KCNQ3: variants seen among roughly 807,000 people sequenced by gnomAD.
The protein encoded by KCNQ3 is potassium voltage-gated channel subfamily Q member 3.
A neutral mutation model predicts 92.5 loss-of-function variants in KCNQ3; 30 were observed. The ratio of observed to expected loss-of-function variants is 0.32; its 90% CI spans 0.24 to 0.44. KCNQ3 has a LOEUF of 0.44. Among genes scored for constraint, KCNQ3 ranks in the 20% least tolerant of loss-of-function variants. KCNQ3 has a pLI of 1.00. For synonymous variants in KCNQ3, 450 were observed against 468.8 expected, an observed-to-expected ratio of 0.96 and a Z score of 0.52; for missense variants, 913 against 1,140.3, an observed-to-expected ratio of 0.80 and a Z score of 2.87.
chr8:132,139,552 A>C (rs139976586), intron 11 of KCNQ3, among the ~76,000 whole-genome samples: 1 of 152,224 alleles, frequency 6.6e-6, no homozygotes, highest in African/African-American at 2.4e-5. Flanking sequence ...GTAATAGCAT[A>C]CTTTTTTTCA....
rs932969941 is a variant in KCNQ3 at position 132,190,472 on chromosome 8, T to C, written c.387-4291A>G. Among the ~76,000 whole-genome samples, 4 of 152,218 alleles carry C rather than the reference T, an allele frequency of 2.6e-5. No individual in the cohort carries two copies. In the East Asian group the frequency reaches 5.8e-4, roughly 22 times the overall value. ...CTAGAGATTCTCCTGCTGGTCTTGATGTGAGCTGCTGTTTTGAAAGGCCTG... is the reference window on the plus strand; with the variant it reads ...CTAGAGATTCTCCTGCTGGTCTTGACGTGAGCTGCTGTTTTGAAAGGCCTG... On this transcript the variant is annotated intron_variant, in intron 1 of 14. Transcript: ENST00000388996.
intron 12 of KCNQ3, among the ~76,000 whole-genome samples, chr8:132,136,890 G>A (rs969405573): frequency 7.9e-6 from 1 of 127,008 alleles, no homozygotes; most frequent in Admixed American, 9.1e-5. Context: ...TTGAGATGCA[G>A]TCTCACTCTG....
chr8:132,172,769 G>A, intron 6 of KCNQ3, 76 bp from the exon 7 acceptor site: 1 of 1,011,720 alleles, frequency 9.9e-7, no homozygotes, highest in Non-Finnish European at 1.6e-6. Context: ...CCAGGGTAAT[G>A]GGGACTGTAG....
At chr8:132,465,605 G>A (rs975769168) in intron 1 of KCNQ3, among the ~76,000 whole-genome samples, 3 of 152,098 alleles carry the variant, frequency 2.0e-5, no homozygotes, top group Non-Finnish European at 4.4e-5. Flanking sequence ...TTAGCCAGGT[G>A]TGGTGGCAGG....
intron 1 of KCNQ3, among the ~76,000 whole-genome samples, chr8:132,294,296 T>C (rs573695389): frequency 6.6e-6 from 1 of 152,282 alleles, no homozygotes; most frequent in African/African-American, 2.4e-5. Context: ...CCACCGTACC[T>C]GGCCCACTAA....
intron 8 of KCNQ3, 67 bp from the exon 9 acceptor site, chr8:132,163,561 A>T: frequency 7.8e-7 from 1 of 1,283,444 alleles, no homozygotes; most frequent in South Asian, 1.2e-5. Flanking sequence ...CTTCCTCGAA[A>T]GATTGCTGCA....
At chr8:132,143,363 C>T (rs59116109) in intron 9 of KCNQ3, among the ~76,000 whole-genome samples, 4,409 of 152,248 alleles carry the variant, frequency 0.029, 208 homozygotes, top group African/African-American at 0.1. Flanking sequence ...TGGCACTGCG[C>T]TGTATGGAGA....
chr8:132,268,903 TG>T (rs1816070246), intron 1 of KCNQ3, among the ~76,000 whole-genome samples: 1 of 152,220 alleles, frequency 6.6e-6, no homozygotes, highest in Non-Finnish European at 1.5e-5. Context: ...ATGTTGTCAG[TG>T]TTCTGGATTA....
At chr8:132,478,974 G>C (rs946751005) in intron 1 of KCNQ3, among the ~76,000 whole-genome samples, 1 of 151,756 alleles carries the variant, frequency 6.6e-6, no homozygotes, top group Non-Finnish European at 1.5e-5. Context: ...GTGGGGGAGA[G>C]AGGGGGGAGG....
chr8:132,456,296 G>A (rs917759835), intron 1 of KCNQ3, among the ~76,000 whole-genome samples: 12 of 152,118 alleles, frequency 7.9e-5, no homozygotes, highest in Admixed American at 2.0e-4. Flanking sequence ...GGAGGGGTCC[G>A]AGTCACCGCA....
At chr8:132,144,567 A>C (rs934922021) in intron 9 of KCNQ3, among the ~76,000 whole-genome samples, 1 of 152,194 alleles carries the variant, frequency 6.6e-6, no homozygotes, top group Non-Finnish European at 1.5e-5. Flanking sequence ...TCCAAATATG[A>C]GTTGTAAAAA....
chr8:132,282,936 C>T (rs1033055553), intron 1 of KCNQ3, among the ~76,000 whole-genome samples: 12 of 151,884 alleles, frequency 7.9e-5, no homozygotes, highest in African/African-American at 2.4e-4. Context: ...AGCCAGGATA[C>T]GAGAGAGTGA....
intron 1 of KCNQ3, among the ~76,000 whole-genome samples, chr8:132,397,943 C>G (rs1224482628): frequency 6.6e-6 from 1 of 152,142 alleles, no homozygotes; most frequent in East Asian, 1.9e-4. Context: ...AAAAGCATAT[C>G]TACTATAAAA....
At chr8:132,471,247 C>T (rs1050264791) in intron 1 of KCNQ3, among the ~76,000 whole-genome samples, 11 of 152,282 alleles carry the variant, frequency 7.2e-5, no homozygotes, top group Middle Eastern at 3.4e-3. Flanking sequence ...GAGTACACCA[C>T]GACATGAGGA....
In KCNQ3 at chr8:132,125,953, T is replaced by C. The variant is rs769627004; in HGVS notation, c.*3309A>G. On this transcript the variant is annotated 3_prime_UTR_variant, in exon 15 of 15. Coordinates refer to ENST00000388996, the MANE Select transcript of KCNQ3 (RefSeq NM_004519.4). ...TGTGCTGACATTTGATAGTCAAAAC[T>C]CAAACGATCTCAAGTACTTCTTTCT... The C allele has an allele frequency of 2.0e-5, 3 of 152,240 alleles. No homozygotes were observed. The highest frequency in any genetic ancestry group is 4.8e-5 in the African/African-American group (2 of 41,468). 9.4% of individuals were successfully genotyped at this position (152,240 alleles called of 1,614,324 possible).
chr8:132,212,965 G>A (rs1813907078), intron 1 of KCNQ3, among the ~76,000 whole-genome samples: 1 of 152,198 alleles, frequency 6.6e-6, no homozygotes, highest in Non-Finnish European at 1.5e-5. Flanking sequence ...CACACCAGGA[G>A]CCTACGTGTG....
intron 1 of KCNQ3, among the ~76,000 whole-genome samples, chr8:132,218,087 G>A (rs1477043853): frequency 1.3e-5 from 2 of 152,158 alleles, no homozygotes; most frequent in East Asian, 1.9e-4. Flanking sequence ...CATAAATGAA[G>A]GAGGCTTTGT....
intron 1 of KCNQ3, among the ~76,000 whole-genome samples, chr8:132,401,654 G>A (rs567049777): frequency 3.9e-5 from 6 of 152,322 alleles, no homozygotes; most frequent in Admixed American, 6.5e-5. Context: ...GATTACAGGC[G>A]TGAGCCACCA....
chr8:132,246,485 T>C (rs1268618809), intron 1 of KCNQ3, among the ~76,000 whole-genome samples: 2 of 152,194 alleles, frequency 1.3e-5, no homozygotes, highest in Admixed American at 6.5e-5. Context: ...GTTGGAAACA[T>C]AAACAACACT....
Sources: gnomAD v4.1 joint callset for allele counts (sites outside exome capture counted in the v4.1 genomes callset) on GRCh38, gnomAD v4.1.1 for gene constraint, MANE v1.5 for transcripts, NCBI Gene and HGNC (gene_info 2026-07-23, HGNC 2026-07-21) for gene names.